SPOCK1: variants seen among roughly 807,000 people sequenced by gnomAD.
SPOCK1 encodes SPARC (osteonectin), cwcv and kazal like domains proteoglycan 1.
Under a neutral mutation model 55.3 loss-of-function variants are expected in SPOCK1, and 23 were observed. The observed-to-expected ratio is 0.42, with a 90% CI of 0.30 to 0.59. SPOCK1 has a LOEUF of 0.59. SPOCK1 is among the 20% of genes least tolerant of loss of function. The pLI is 0.22. For missense variants in SPOCK1, 499 were observed against 552.5 expected (o/e 0.90, Z 0.97); for synonymous variants, 226 against 221.0 (o/e 1.02, Z -0.20).
chr5:137,495,151 T>C (rs1754272423), intron 2 of SPOCK1, among the ~76,000 whole-genome samples: 1 of 152,230 alleles, frequency 6.6e-6, no homozygotes, highest in South Asian at 2.1e-4. Flanking sequence ...CTATTTGTCC[T>C]GGATCTGTAA....
intron 4 of SPOCK1, among the ~76,000 whole-genome samples, chr5:137,116,594 C>A (rs917902026): frequency 6.6e-6 from 1 of 151,706 alleles, no homozygotes; most frequent in Admixed American, 6.6e-5. Flanking sequence ...TACAGTGAGC[C>A]GAGATCATAC....
chr5:137,192,095 G>A (rs1244548215), intron 3 of SPOCK1, among the ~76,000 whole-genome samples: 1 of 151,632 alleles, frequency 6.6e-6, no homozygotes, highest in African/African-American at 2.4e-5. Context: ...AAAATTAGCT[G>A]GGCGTGGCGG....
At chr5:137,374,499 G>A (rs991371318) in intron 2 of SPOCK1, among the ~76,000 whole-genome samples, 2 of 152,200 alleles carry the variant, frequency 1.3e-5, no homozygotes, top group African/African-American at 4.8e-5. Context: ...TGCACTAGCA[G>A]GGAGGAGGGC....
chr5:137,489,218 G>A (rs1034570098), intron 2 of SPOCK1, among the ~76,000 whole-genome samples: 5 of 152,158 alleles, frequency 3.3e-5, no homozygotes, highest in Admixed American at 6.5e-5. Context: ...AAGTGCATGC[G>A]TGTCTATCTC....
Position 137,420,321 on chromosome 5 carries a change from A to C in SPOCK1, c.186+78052T>G, listed in dbSNP as rs1178860527. Among the ~76,000 whole-genome samples the C allele has an allele frequency of 2.0e-5, 3 of 152,216 alleles. No homozygotes were observed. In the East Asian group the frequency reaches 5.8e-4, roughly 29 times the overall value. ...TGATGCTGGCCTCATAAAATGAGTT[A>C]GGGAGGATTTCCTCTTTTTCTATTG... On this transcript the variant is annotated intron_variant, in intron 2 of 10. Coordinates refer to ENST00000394945, the MANE Select transcript of SPOCK1 (RefSeq NM_004598.4).
At chr5:137,244,411 AC>A (rs896248791) in intron 3 of SPOCK1, among the ~76,000 whole-genome samples, 4 of 152,000 alleles carry the variant, frequency 2.6e-5, no homozygotes, top group African/African-American at 9.7e-5. Context: ...TAGGAAGAAA[AC>A]ACATAACAGA....
intron 3 of SPOCK1, among the ~76,000 whole-genome samples, chr5:137,159,756 G>A (rs1480187117): frequency 6.6e-6 from 1 of 152,064 alleles, no homozygotes; most frequent in Non-Finnish European, 1.5e-5. Context: ...GGGCACTTAG[G>A]TTGGTTCCAT....
At chr5:137,185,147 A>G (rs1437296384) in intron 3 of SPOCK1, among the ~76,000 whole-genome samples, 3 of 152,218 alleles carry the variant, frequency 2.0e-5, no homozygotes, top group Non-Finnish European at 4.4e-5. Flanking sequence ...GGAAAGGGTC[A>G]GTTGGGAGAG....
At chr5:137,278,875 A>G (rs144471855) in intron 2 of SPOCK1, among the ~76,000 whole-genome samples, 2 of 152,314 alleles carry the variant, frequency 1.3e-5, no homozygotes, top group East Asian at 3.9e-4. Context: ...AGCAATGCAC[A>G]TGAGTCCCCA....
At chr5:137,452,407 C>T (rs1478781768) in intron 2 of SPOCK1, among the ~76,000 whole-genome samples, 1 of 152,116 alleles carries the variant, frequency 6.6e-6, no homozygotes, top group African/African-American at 2.4e-5. Flanking sequence ...AAGGGCGGGG[C>T]TTACTGAATC....
At chr5:137,121,657 T>A (rs999176801) in intron 4 of SPOCK1, among the ~76,000 whole-genome samples, 2 of 146,776 alleles carry the variant, frequency 1.4e-5, no homozygotes, top group Non-Finnish European at 3.0e-5. Context: ...ATTAATTATA[T>A]ATAATATATA....
At chr5:137,148,356 G>A (rs928878469) in intron 3 of SPOCK1, among the ~76,000 whole-genome samples, 10 of 152,148 alleles carry the variant, frequency 6.6e-5, no homozygotes, top group African/African-American at 1.9e-4. Context: ...AAAAGAAGGC[G>A]TTAAGAGGGG....
At chr5:137,292,065 G>A (rs1757381049) in intron 2 of SPOCK1, among the ~76,000 whole-genome samples, 2 of 152,140 alleles carry the variant, frequency 1.3e-5, no homozygotes, top group Non-Finnish European at 1.5e-5. Context: ...CAAGAGAGAG[G>A]AGAAAGCGAG....
In SPOCK1 at chr5:136,978,615, C is replaced by A; in HGVS notation, c.*39G>T. Reference sequence around the variant, plus strand: ...AAATGCAGGAATAGGAAGTGACTTGCAATTTTGTGCAAAACTTGTGTCCTC... The same window carrying A: ...AAATGCAGGAATAGGAAGTGACTTGAAATTTTGTGCAAAACTTGTGTCCTC... On this transcript the variant is annotated 3_prime_UTR_variant, in exon 11 of 11. Transcript: ENST00000394945. 1.9e-6 allele frequency: 3 copies of A among 1,554,176 alleles called. No homozygotes were observed. The highest frequency in any genetic ancestry group is 2.6e-6 in the Non-Finnish European group (3 of 1,152,712).
chr5:137,396,717 A>G (rs1751856606), intron 2 of SPOCK1, among the ~76,000 whole-genome samples: 1 of 152,224 alleles, frequency 6.6e-6, no homozygotes, highest in South Asian at 2.1e-4. Context: ...CTATGAGGTA[A>G]AACTCAGCCT....
chr5:137,196,360 C>T (rs560126751), intron 3 of SPOCK1, among the ~76,000 whole-genome samples: 40 of 152,196 alleles, frequency 2.6e-4, no homozygotes, highest in Non-Finnish European at 5.1e-4. Flanking sequence ...GAAAACCTTT[C>T]GGTGGGTTCC....
intron 2 of SPOCK1, among the ~76,000 whole-genome samples, chr5:137,329,186 A>T (rs1758128614): frequency 6.6e-6 from 1 of 152,112 alleles, no homozygotes; most frequent in South Asian, 2.1e-4. Context: ...CTCTTGCGTA[A>T]CTGTGAGCTG....
At chr5:137,013,159 T>C (rs895544691) in intron 6 of SPOCK1, among the ~76,000 whole-genome samples, 9 of 152,212 alleles carry the variant, frequency 5.9e-5, no homozygotes, top group African/African-American at 2.2e-4. Context: ...CTATTGCCTA[T>C]AGATGTTTTC....
At chr5:137,374,455 A>G (rs563476363) in intron 2 of SPOCK1, among the ~76,000 whole-genome samples, 14 of 152,204 alleles carry the variant, frequency 9.2e-5, no homozygotes, top group Non-Finnish European at 2.1e-4. Context: ...TGCCATTCCC[A>G]TGATGAGCGA....
Sources: gnomAD v4.1 joint callset for allele counts (sites outside exome capture counted in the v4.1 genomes callset) on GRCh38, gnomAD v4.1.1 for gene constraint, MANE v1.5 for transcripts, NCBI Gene and HGNC (gene_info 2026-07-23, HGNC 2026-07-21) for gene names.